DCTN4: variants seen among roughly 807,000 people sequenced by gnomAD.
DCTN4 encodes dynactin 4 (p62).
In DCTN4, 23 loss-of-function variants were observed where a neutral mutation model predicts 62.7. The observed-to-expected ratio is 0.37, with a 90% confidence interval of 0.26 to 0.52. DCTN4 has a LOEUF of 0.52. Ranked by LOEUF, DCTN4 falls within the 20% of genes least tolerant of loss-of-function variation. DCTN4 has a pLI of 0.92. For synonymous variants in DCTN4, 199 were observed against 202.1 expected (o/e 0.98, Z 0.13); for missense variants, 514 against 580.4 (o/e 0.89, Z 1.18).
intron 4 of DCTN4, among the ~76,000 whole-genome samples, chr5:150,740,252 G>A (rs1760721249): frequency 6.6e-6 from 1 of 151,936 alleles, no homozygotes; most frequent in Non-Finnish European, 1.5e-5. Context: ...CCATTAAAAA[G>A]TAGGCAGAGG....
intron 8 of DCTN4, among the ~76,000 whole-genome samples, chr5:150,729,120 C>T (rs1760265520): frequency 7.5e-6 from 1 of 133,868 alleles, no homozygotes; most frequent in Non-Finnish European, 1.5e-5. Flanking sequence ...ATCTCAAACT[C>T]CTGGGCTCAA....
intron 12 of DCTN4, 54 bp from the exon 13 acceptor site, chr5:150,711,416 A>G (rs1759561021): frequency 7.3e-7 from 1 of 1,372,746 alleles, no homozygotes. Context: ...CAGCCAAACC[A>G]CTAAGACTTA....
intron 12 of DCTN4, among the ~76,000 whole-genome samples, chr5:150,714,643 G>A (rs1401325758): frequency 6.6e-6 from 1 of 152,094 alleles, no homozygotes; most frequent in Admixed American, 6.5e-5. Flanking sequence ...CCAAAGTGTT[G>A]AGAATACAGG....
intron 12 of DCTN4, among the ~76,000 whole-genome samples, chr5:150,715,036 G>A (rs759158223): frequency 6.6e-6 from 1 of 151,550 alleles, no homozygotes; most frequent in Non-Finnish European, 1.5e-5. Flanking sequence ...TCCTCTGTTC[G>A]AATCATTGAA....
intron 3 of DCTN4, among the ~76,000 whole-genome samples, chr5:150,751,173 G>A (rs769461460): frequency 5.3e-5 from 8 of 152,024 alleles, no homozygotes; most frequent in Non-Finnish European, 1.2e-4. Flanking sequence ...GTTTTTCTCC[G>A]TACATTACAG....
chr5:150,721,869 G>C (rs978546340), intron 9 of DCTN4, among the ~76,000 whole-genome samples: 2 of 152,120 alleles, frequency 1.3e-5, no homozygotes, highest in Admixed American at 1.3e-4. Context: ...CCACTGTCTA[G>C]GATGGAGTGC....
intron 8 of DCTN4, among the ~76,000 whole-genome samples, chr5:150,723,938 T>C (rs1451595167): frequency 3.9e-5 from 6 of 152,208 alleles, no homozygotes; most frequent in Admixed American, 3.9e-4. Flanking sequence ...TTTCTATAAC[T>C]TACATAAGAT....
intron 2 of DCTN4, among the ~76,000 whole-genome samples, chr5:150,754,696 A>C (rs890884330): frequency 6.6e-6 from 1 of 152,196 alleles, no homozygotes; most frequent in Non-Finnish European, 1.5e-5. Context: ...GGCTGGGCAC[A>C]GCAGCTCACG....
intron 3 of DCTN4, among the ~76,000 whole-genome samples, chr5:150,743,369 A>C (rs1760841000): frequency 6.6e-6 from 1 of 152,244 alleles, no homozygotes; most frequent in Admixed American, 6.5e-5. Context: ...CTCTCGGGGC[A>C]GGGCACAGAC....
At chr5:150,748,647 T>C (rs1031318400) in intron 3 of DCTN4, among the ~76,000 whole-genome samples, 4 of 151,378 alleles carry the variant, frequency 2.6e-5, no homozygotes, top group African/African-American at 9.8e-5. Context: ...GGGACATGGA[T>C]GATATTGGAA....
At chr5:150,756,182 C>A (rs1469414370) in intron 2 of DCTN4, among the ~76,000 whole-genome samples, 1 of 151,942 alleles carries the variant, frequency 6.6e-6, no homozygotes, top group Non-Finnish European at 1.5e-5. Flanking sequence ...GCTGGGACTA[C>A]AGGCGCGTGC....
Position 150,711,798 on chromosome 5 carries a change from G to A in DCTN4, c.1170-436C>T, listed in dbSNP as rs528156681. On this transcript the variant is annotated intron_variant, in intron 12 of 12. Coordinates refer to ENST00000447998, the MANE Select transcript of DCTN4 (RefSeq NM_016221.4). ...GCCTCCAAAAGTGCTGGGATTACGG[G>A]CATAAGCCAACACGTTGGCCATATA... Among the ~76,000 whole-genome samples, 4 of 152,170 alleles carry A rather than the reference G, an allele frequency of 2.6e-5. No individual in the cohort carries two copies. In the South Asian group the frequency reaches 8.3e-4, roughly 32 times the overall value.
intron 3 of DCTN4, among the ~76,000 whole-genome samples, chr5:150,745,909 A>G (rs1581596863): frequency 1.3e-5 from 2 of 152,202 alleles, no homozygotes; most frequent in South Asian, 4.1e-4. Context: ...AACACATTCA[A>G]AAGCTAGCAA....
chr5:150,739,882 A>C (rs878953941), intron 4 of DCTN4, among the ~76,000 whole-genome samples: 1 of 152,224 alleles, frequency 6.6e-6, no homozygotes, highest in East Asian at 1.9e-4. Context: ...TAAATGTAGA[A>C]GAATGAAACT....
chr5:150,758,935 A>C lies in DCTN4; in HGVS notation c.59T>G (p.Val20Gly). 6.2e-7 allele frequency: 1 copy of C among 1,614,054 alleles called. No individual in the cohort carries two copies. The highest frequency in any genetic ancestry group is 8.5e-7 in the Non-Finnish European group (1 of 1,180,000). Residue 20 changes from valine to glycine, a missense_variant, in exon 1 of 13, where the codon GTT becomes GGT. Physicochemically the swap from Val to Gly is moderately radical, Grantham distance 109. Transcript: ENST00000447998. ...VLYLVQGEKK[V>G]RAPLSQLYFC... ...GTAGAGTTGCGAGAGCGGGGCCCGA[A>C]CCTTCTTTTCTCCCTGGACTAGATA... is the stretch of plus-strand genomic sequence containing the variant.
At chr5:150,723,829 AC>A (rs1760039015) in intron 8 of DCTN4, among the ~76,000 whole-genome samples, 1 of 152,192 alleles carries the variant, frequency 6.6e-6, no homozygotes, top group Admixed American at 6.5e-5. Context: ...ACAAAAGGGA[AC>A]ATTTTATATT....
intron 9 of DCTN4, among the ~76,000 whole-genome samples, chr5:150,720,481 AT>A (rs57503750): frequency 0.025 from 3,482 of 139,252 alleles, 83 homozygotes; most frequent in African/African-American, 0.071. Flanking sequence ...AGAGCTCTGT[AT>A]TTTTTTTTTT....
rs1376696334 is a variant in DCTN4, at chr5:150,758,999, G to C, written c.-6C>G. 2 of 1,613,260 alleles carry C rather than the reference G, an allele frequency of 1.2e-6. No homozygotes were observed. The highest frequency in any genetic ancestry group is 1.7e-6 in the Non-Finnish European group (2 of 1,179,348). On this transcript the variant is annotated 5_prime_UTR_variant, in exon 1 of 13. Coordinates refer to ENST00000447998, the MANE Select transcript of DCTN4 (RefSeq NM_016221.4). ...GACTGCAGCAAGGACGCCATCTTGG[G>C]GAGGGAGGAGGCGATGACGCTCCCG...
chr5:150,725,101 T>A (rs938519896), intron 8 of DCTN4, among the ~76,000 whole-genome samples: 5 of 136,556 alleles, frequency 3.7e-5, no homozygotes, highest in South Asian at 2.2e-4. Context: ...GAGCTTGCAG[T>A]GAGCCGAGAT....
Sources: gnomAD v4.1 joint callset for allele counts (sites outside exome capture counted in the v4.1 genomes callset) on GRCh38, gnomAD v4.1.1 for gene constraint, MANE v1.5 for transcripts, NCBI Gene and HGNC (gene_info 2026-07-23, HGNC 2026-07-21) for gene names.